Variants in RAD52 observed in about 807,000 individuals in gnomAD.
RAD52 encodes the protein RAD52 DNA repair protein.
In RAD52, 47 loss-of-function variants were observed where a neutral mutation model predicts 55.5. That is an observed-to-expected ratio of 0.85 (90% CI 0.67 to 1.08). RAD52 has a LOEUF of 1.08. Ranked by LOEUF, RAD52 falls within the 50% of genes least tolerant of loss-of-function variation. The pLI, the probability that RAD52 is intolerant of heterozygous loss-of-function variation, is 0.00. For synonymous variants in RAD52, 184 were observed against 198.9 expected, an observed-to-expected ratio of 0.92 and a Z score of 0.63; for missense variants, 468 against 522.8, an observed-to-expected ratio of 0.90 and a Z score of 1.02.
chr12:952,092 T>C (rs891104741), upstream of RAD52, among the ~76,000 whole-genome samples: 29 of 152,210 alleles, frequency 1.9e-4, no homozygotes, highest in African/African-American at 5.8e-4. Context: ...GTCTCCTAAG[T>C]AGCTAGGATT....
chr12:930,321 G>C (rs562019185), intron 3 of RAD52, among the ~76,000 whole-genome samples, 177 bp from the exon 4 acceptor site: 1 of 151,108 alleles, frequency 6.6e-6, no homozygotes, highest in Non-Finnish European at 1.5e-5. Flanking sequence ...CAAGGCTGCA[G>C]TAAGCTAGGA....
intron 10 of RAD52, 131 bp from the exon 11 acceptor site, chr12:914,252 T>TC (rs1448513306): frequency 1.6e-6 from 2 of 1,268,838 alleles, no homozygotes; most frequent in African/African-American, 3.0e-5. Flanking sequence ...TTCTCTCCCC[T>TC]CCCCCTAAAA....
chr12:930,262 C>T, intron 3 of RAD52, 118 bp from the exon 4 acceptor site: 2 of 850,418 alleles, frequency 2.4e-6, no homozygotes, highest in East Asian at 2.7e-5. Context: ...TGTCCTTAAA[C>T]ATTCTTCTCG....
At chr12:934,460 CAAAAAAAAA>C (rs10611406) in intron 1 of RAD52, among the ~76,000 whole-genome samples, 1 of 128,816 alleles carries the variant, frequency 7.8e-6, no homozygotes, top group Non-Finnish European at 1.6e-5. Flanking sequence ...GACTCCATCT[CAAAAAAAAA>C]AAAAAAAAAA....
chr12:983,410 ATTTTTTTTTTT>A (rs58498697), intron 1 of RAD52, among the ~76,000 whole-genome samples: 1 of 121,512 alleles, frequency 8.2e-6, no homozygotes, highest in Non-Finnish European at 1.7e-5. Flanking sequence ...TTTCCTGAAG[ATTTTTTTTTTT>A]TTTTTTTTTT....
At chr12:966,776 T>C (rs182421393) in intron 1 of RAD52, among the ~76,000 whole-genome samples, 34 of 152,220 alleles carry the variant, frequency 2.2e-4, no homozygotes, top group African/African-American at 8.2e-4. Context: ...AGGAGTTTAC[T>C]GTCTACTGAG....
chr12:970,724 G>A (rs1958835109), intron 1 of RAD52, among the ~76,000 whole-genome samples: 1 of 152,184 alleles, frequency 6.6e-6, no homozygotes, highest in Non-Finnish European at 1.5e-5. Flanking sequence ...AATGGCATTT[G>A]GGAGTAAGTA....
At chr12:969,536 C>T (rs1190097646) in intron 1 of RAD52, among the ~76,000 whole-genome samples, 2 of 151,902 alleles carry the variant, frequency 1.3e-5, no homozygotes, top group African/African-American at 4.8e-5. Context: ...CCTGTAATTC[C>T]AACACCTTGG....
upstream of RAD52, among the ~76,000 whole-genome samples, chr12:954,405 G>A (rs146855299): frequency 2.7e-3 from 415 of 152,328 alleles, 4 homozygotes; most frequent in African/African-American, 9.8e-3. Context: ...GCCGAGGTGG[G>A]TGGATCACTT....
intron 1 of RAD52, among the ~76,000 whole-genome samples, chr12:949,156 G>C (rs1215345557): frequency 6.6e-6 from 1 of 152,056 alleles, no homozygotes; most frequent in Non-Finnish European, 1.5e-5. Context: ...TGACCTCCAG[G>C]GAACATGGGG....
intron 1 of RAD52, among the ~76,000 whole-genome samples, chr12:937,883 GC>G (rs1201346148): frequency 6.6e-6 from 1 of 152,162 alleles, no homozygotes. Context: ...CCTGGCAGCA[GC>G]CCTCAAATGG....
rs143326619 is a variant in RAD52 at position 946,950 on chromosome 12, A to G, written c.-19+2652T>C. Among the ~76,000 whole-genome samples, 48 of 152,334 alleles carry G rather than the reference A, an allele frequency of 3.2e-4. 1 individual carries two copies. The highest frequency in any genetic ancestry group is 1.1e-3 in the African/African-American group (47 of 41,582). On this transcript the variant is annotated intron_variant, in intron 1 of 11. Transcript: ENST00000358495. ...TCTGACGGTTTCTGCCTCCCTGAGA[A>G]GACCAGCACACAAACATTTCTCTGC...
At position 913,553 on chromosome 12, in the gene RAD52, G is replaced by A; in HGVS notation, c.1196-101C>T. 5 of 980,224 alleles carry A rather than the reference G, an allele frequency of 5.1e-6. No homozygotes were observed. The South Asian group carries it at 7.3e-5, about 14-fold the overall frequency. 60.7% of individuals were successfully genotyped at this position (980,224 alleles called of 1,614,324 possible). A position where few individuals can be genotyped will look rare whatever the true frequency, so the allele number is the denominator to read the frequency against. On this transcript the variant is annotated intron_variant, in intron 11 of 11. Transcript: ENST00000358495. ...TATTAATGATCCTAATTTAGACTAA[G>A]CCCAAGAATGAGAATTACTGTTAGG...
intron 1 of RAD52, among the ~76,000 whole-genome samples, chr12:969,111 C>T (rs1032030892): frequency 6.6e-6 from 1 of 151,980 alleles, no homozygotes; most frequent in Non-Finnish European, 1.5e-5. Context: ...TTAGATATTA[C>T]AATAATCTAG....
intron 1 of RAD52, among the ~76,000 whole-genome samples, chr12:964,874 C>CCT (rs1958736318): frequency 6.6e-6 from 1 of 152,000 alleles, no homozygotes; most frequent in Admixed American, 6.6e-5. Flanking sequence ...ACCTCCCCAG[C>CCT]CTCTATGTGC....
chr12:981,243 G>A (rs1959010991), intron 1 of RAD52, among the ~76,000 whole-genome samples: 1 of 152,000 alleles, frequency 6.6e-6, no homozygotes, highest in South Asian at 2.1e-4. Context: ...TGAGGTGGGA[G>A]GATCACTTGA....
intron 6 of RAD52, chr12:926,890 G>A: frequency 4.6e-6 from 7 of 1,536,412 alleles, no homozygotes; most frequent in Non-Finnish European, 6.1e-6. Context: ...ACACATGACT[G>A]AGTGCACGGA....
chr12:985,756 C>T (rs374469704), intron 1 of RAD52, among the ~76,000 whole-genome samples: 2 of 152,240 alleles, frequency 1.3e-5, no homozygotes, highest in Non-Finnish European at 1.5e-5. Flanking sequence ...GATTCTCCTG[C>T]CTCAGCCTCC....
At chr12:977,464 T>C (rs1592494088) in intron 1 of RAD52, among the ~76,000 whole-genome samples, 1 of 152,188 alleles carries the variant, frequency 6.6e-6, no homozygotes, top group African/African-American at 2.4e-5. Flanking sequence ...ACTCCACCAT[T>C]TCAAGTTCTT....
Sources: allele counts gnomAD v4.1 joint callset (sites outside exome capture counted in the v4.1 genomes callset), GRCh38; gene constraint gnomAD v4.1.1; transcripts MANE v1.5; gene names NCBI Gene and HGNC (gene_info 2026-07-23, HGNC 2026-07-21).